DIP2B: variants seen among roughly 807,000 people sequenced by gnomAD.
The protein encoded by DIP2B is DIP2 acetate--CoA ligase B (putative).
Under a neutral mutation model 198.0 loss-of-function variants are expected in DIP2B, and 76 were observed. That is an observed-to-expected ratio of 0.38 (90% CI 0.32 to 0.46). DIP2B has a LOEUF of 0.46. Among genes scored for constraint, DIP2B ranks in the 20% least tolerant of loss-of-function variants. DIP2B has a pLI of 0.99. For synonymous variants in DIP2B, 701 were observed against 739.1 expected (o/e 0.95, Z 0.84); for missense variants, 1,559 against 1,978.4 (o/e 0.79, Z 4.02).
chr12:50,590,846 A>G (rs563837457), intron 1 of DIP2B, among the ~76,000 whole-genome samples: 134 of 152,328 alleles, frequency 8.8e-4, no homozygotes, highest in African/African-American at 3.0e-3. Flanking sequence ...CCCATCTAGG[A>G]AACTCCACTT....
At chr12:50,530,233 C>T (rs751469128) in intron 1 of DIP2B, among the ~76,000 whole-genome samples, 2 of 152,172 alleles carry the variant, frequency 1.3e-5, no homozygotes, top group Non-Finnish European at 2.9e-5. Context: ...CCCGCCATCA[C>T]GCCTGGCTAA....
intron 1 of DIP2B, among the ~76,000 whole-genome samples, chr12:50,507,906 CTT>C (rs1346227130): frequency 1.4e-5 from 2 of 145,286 alleles, no homozygotes; most frequent in Non-Finnish European, 3.1e-5. Flanking sequence ...TTTTTTCTTT[CTT>C]TCTCTCTTTT....
At chr12:50,626,068 T>C in intron 2 of DIP2B, 21 bp downstream of exon 2, 1 of 1,610,592 alleles carries the variant, frequency 6.2e-7, no homozygotes, top group South Asian at 1.1e-5. Flanking sequence ...AAAAATGGTT[T>C]CAACTTTTTC....
chr12:50,706,719 C>G, intron 21 of DIP2B, 54 bp downstream of exon 21: 1 of 1,584,372 alleles, frequency 6.3e-7, no homozygotes, highest in Non-Finnish European at 8.6e-7. Context: ...CTAAATACAT[C>G]TTCACATGGT....
chr12:50,506,204 C>T (rs904989227), intron 1 of DIP2B, among the ~76,000 whole-genome samples: 1 of 152,102 alleles, frequency 6.6e-6, no homozygotes, highest in Non-Finnish European at 1.5e-5. Flanking sequence ...GAGACAAAAG[C>T]AGCATTTTCT....
intron 4 of DIP2B, among the ~76,000 whole-genome samples, chr12:50,664,846 T>G (rs1212860629): frequency 4.5e-3 from 17 of 3,786 alleles, no homozygotes; most frequent in African/African-American, 8.8e-3. Flanking sequence ...GTTTTTTTTT[T>G]TTTTTTTTTT....
intron 12 of DIP2B, among the ~76,000 whole-genome samples, chr12:50,689,150 C>T (rs1222661131): frequency 5.9e-5 from 9 of 152,146 alleles, no homozygotes; most frequent in Non-Finnish European, 8.8e-5. Flanking sequence ...ATTATCCTAA[C>T]ACCTTGGGAG....
chr12:50,723,179 T>A, intron 26 of DIP2B, 23 bp from the exon 27 acceptor site: 1 of 1,613,770 alleles, frequency 6.2e-7, no homozygotes, highest in East Asian at 2.2e-5. Flanking sequence ...GTGACTCTCC[T>A]GACAGGGTCC....
chr12:50,731,632 T>C, intron 31 of DIP2B, 95 bp downstream of exon 31: 1 of 1,410,222 alleles, frequency 7.1e-7, no homozygotes, highest in Non-Finnish European at 9.5e-7. Context: ...ACAGACATGT[T>C]TGCTTGCCTT....
chr12:50,537,968 C>T (rs1258669170), intron 1 of DIP2B, among the ~76,000 whole-genome samples: 1 of 152,138 alleles, frequency 6.6e-6, no homozygotes, highest in African/African-American at 2.4e-5. Flanking sequence ...TGAGCGCAGG[C>T]TTCTTATTTT....
rs1444236797 is a variant in DIP2B, at chr12:50,678,729, C to T, written c.967C>T (p.Pro323Ser). The T allele has an allele frequency of 3.1e-6, 5 of 1,614,172 alleles. No homozygotes were observed. Among genetic ancestry groups the T allele is most frequent in the Non-Finnish European group, 3.4e-6 (4 of 1,180,032 alleles). Residue 323 changes from proline (P) to serine (S), a missense_variant, in exon 8 of 38, where the codon CCT (proline) becomes TCT (serine). Coordinates refer to ENST00000301180, the MANE Select transcript of DIP2B (RefSeq NM_173602.3). ...CAAGCCGGAGGGACGGCAGATGACC[C>T]CTGTGAAAGGAGAGCCTTTAGGAGT... ...QPKPEGRQMTPVKGEPLGVIC... is the reference protein window; with the variant it reads ...QPKPEGRQMTSVKGEPLGVIC...
At position 50,675,324 on chromosome 12, in the gene DIP2B, T is replaced by C. The variant is rs1305445852; in HGVS notation, c.797-5T>C. The C allele has an allele frequency of 6.2e-7, 1 of 1,611,496 alleles. No homozygotes were observed. The highest frequency in any genetic ancestry group is 1.7e-5 in the Admixed American group (1 of 59,964). On this transcript the variant is annotated splice_region_variant and splice_polypyrimidine_tract_variant and intron_variant, in intron 6 of 37. Coordinates refer to ENST00000301180, the MANE Select transcript of DIP2B (RefSeq NM_173602.3). ...ATTTTAACTTAACCATTTTTTCCCT[T>C]ATAGGTGTTCCTGTCAGTAGCAGAG...
At chr12:50,513,056 T>G (rs1228096565) in intron 1 of DIP2B, among the ~76,000 whole-genome samples, 1 of 151,962 alleles carries the variant, frequency 6.6e-6, no homozygotes, top group Non-Finnish European at 1.5e-5. Flanking sequence ...TGTAAGGAGG[T>G]TTAAAGTAAG....
chr12:50,671,656 G>T (rs1166750871), intron 5 of DIP2B, among the ~76,000 whole-genome samples: 1 of 152,188 alleles, frequency 6.6e-6, no homozygotes, highest in South Asian at 2.1e-4. Flanking sequence ...TGCTCAAGCT[G>T]CAAGATATAA....
At chr12:50,584,548 G>T (rs1958753442) in intron 1 of DIP2B, among the ~76,000 whole-genome samples, 1 of 152,098 alleles carries the variant, frequency 6.6e-6, no homozygotes, top group Admixed American at 6.6e-5. Flanking sequence ...TATTAAAAAT[G>T]TATTTGTTAT....
intron 1 of DIP2B, among the ~76,000 whole-genome samples, chr12:50,623,417 ACACACACACACACACACACACTCT>A (rs1160034832): frequency 3.1e-4 from 29 of 92,320 alleles, no homozygotes; most frequent in African/African-American, 5.9e-4. Context: ...ACACACACAC[ACACACACACACACACACACACTCT>A]CTCTCTCTCT....
At position 50,676,373 on chromosome 12, in the gene DIP2B, G is replaced by A. The variant is rs138426741; in HGVS notation, c.916+925G>A. 4.6e-3 allele frequency among the ~76,000 whole-genome samples: 700 copies of A among 152,308 alleles called. 8 individuals carry two copies. The highest frequency in any genetic ancestry group is 0.016 in the African/African-American group (661 of 41,562). Reference sequence around the variant, plus strand: ...TAGGTACATTGGTAGACTAGATCTGGTCTTAGCCCAATTTATACCGCAGAA... The same window carrying A: ...TAGGTACATTGGTAGACTAGATCTGATCTTAGCCCAATTTATACCGCAGAA... On this transcript the variant is annotated intron_variant, in intron 7 of 37. Transcript: ENST00000301180.
chr12:50,725,236 C>T (rs1214177752), intron 28 of DIP2B, among the ~76,000 whole-genome samples: 2 of 152,138 alleles, frequency 1.3e-5, no homozygotes, highest in African/African-American at 4.8e-5. Context: ...ATTGTTGAAA[C>T]AATACTGGAC....
At chr12:50,521,970 T>A (rs963068186) in intron 1 of DIP2B, among the ~76,000 whole-genome samples, 2 of 151,040 alleles carry the variant, frequency 1.3e-5, no homozygotes, top group Admixed American at 6.6e-5. Context: ...TAATTTATTT[T>A]ATTTTTTATT....
Sources: allele counts gnomAD v4.1 joint callset (sites outside exome capture counted in the v4.1 genomes callset), GRCh38; gene constraint gnomAD v4.1.1; transcripts MANE v1.5; gene names NCBI Gene and HGNC (gene_info 2026-07-23, HGNC 2026-07-21).